Variants in SLC4A7 observed in about 807,000 individuals in gnomAD.
SLC4A7 encodes the protein solute carrier family 4 member 7.
In SLC4A7, 51 loss-of-function variants were observed where a neutral mutation model predicts 137.6. That is an observed-to-expected ratio of 0.37 (90% confidence interval 0.30 to 0.47). The LOEUF (loss-of-function observed/expected upper bound fraction) is 0.47. Ranked by LOEUF, SLC4A7 falls within the 20% of genes least tolerant of loss-of-function variation. SLC4A7 has a pLI of 1.00. For synonymous variants in SLC4A7, 542 were observed against 518.6 expected, an observed-to-expected ratio of 1.05 and a Z score of -0.61; for missense variants, 1,247 against 1,525.4, an observed-to-expected ratio of 0.82 and a Z score of 3.04.
At chr3:27,480,860 T>A (rs1283233561) in intron 1 of SLC4A7, among the ~76,000 whole-genome samples, 1 of 152,180 alleles carries the variant, frequency 6.6e-6, no homozygotes, top group Non-Finnish European at 1.5e-5. Flanking sequence ...AGCAGAAATG[T>A]AAATGCCATC....
At chr3:27,467,468 C>G (rs1021498) in intron 1 of SLC4A7, among the ~76,000 whole-genome samples, 22,234 of 152,170 alleles carry the variant, frequency 0.15, 1,870 homozygotes, top group South Asian at 0.27. Context: ...CAATAAGCAG[C>G]ACAAATGTCA....
chr3:27,461,606 C>CAA lies in SLC4A7; in HGVS notation c.61-9110_61-9109dup, dbSNP rs200548018. Among the ~76,000 whole-genome samples the CAA allele has an allele frequency of 7.9e-3, 684 of 86,776 alleles. 10 individuals carry two copies. The highest frequency in any genetic ancestry group is 0.048 in the South Asian group (116 of 2,418). 56.9% of individuals were successfully genotyped at this position (86,776 alleles called of 152,430 possible). ...AGGCAACACAGAAAGACCTCGTTTA[C>CAA]AAAAAAAAAAAAAAAAAGAATAAAT... On this transcript the variant is annotated intron_variant, in intron 1 of 25. Coordinates refer to ENST00000454389, the MANE Select transcript of SLC4A7 (RefSeq NM_001321103.2).
chr3:27,378,488 A>C (rs1313515876), intron 25 of SLC4A7, among the ~76,000 whole-genome samples: 1 of 152,218 alleles, frequency 6.6e-6, no homozygotes, highest in Non-Finnish European at 1.5e-5. Context: ...TAAGGGATTA[A>C]AGTACTAATG....
At chr3:27,428,910 T>C (rs936513450) in intron 7 of SLC4A7, among the ~76,000 whole-genome samples, 5 of 152,316 alleles carry the variant, frequency 3.3e-5, no homozygotes, top group Non-Finnish European at 7.3e-5. Flanking sequence ...CAAAAAGATA[T>C]ATGTACAAAT....
intron 10 of SLC4A7, 70 bp downstream of exon 10, chr3:27,420,630 G>A (rs2054872025): frequency 2.2e-6 from 2 of 927,238 alleles, no homozygotes; most frequent in Non-Finnish European, 3.3e-6. Flanking sequence ...AAAGAGAACT[G>A]TAATCTAATA....
In SLC4A7 at chr3:27,397,679, CT is replaced by C; in HGVS notation, c.2703+4del. 1 of 1,471,606 alleles carries C rather than the reference CT, an allele frequency of 6.8e-7. No homozygotes were observed. Among genetic ancestry groups the C allele is most frequent in the Non-Finnish European group, 9.5e-7 (1 of 1,053,760 alleles). The allele number at this position is 1,471,606 out of a possible 1,614,324, so 91.2% of individuals were successfully genotyped here. Reference sequence around the variant, plus strand: ...TAACAAATAGCCACTTGTTTTAATCCTTACCTCAAATTTTTCAGGAACATGA... The same window carrying C: ...TAACAAATAGCCACTTGTTTTAATCCTACCTCAAATTTTTCAGGAACATGA... On this transcript the variant is annotated splice_donor_region_variant and intron_variant, in intron 18 of 25. Coordinates refer to ENST00000454389, the MANE Select transcript of SLC4A7 (RefSeq NM_001321103.2).
Position 27,452,613 on chromosome 3 carries a change from T to C in SLC4A7, c.61-115A>G, listed in dbSNP as rs2058148998. On this transcript the variant is annotated intron_variant, in intron 1 of 25. Transcript: ENST00000454389. ...AACAGACTGCTTTCTCTCAAATAAC[T>C]GAACTCATTACAGCTAATTGCATTC... 7.2e-6 allele frequency: 4 copies of C among 551,946 alleles called. No homozygotes were observed. The South Asian group carries it at 1.3e-4, about 18-fold the overall frequency. 34.2% of individuals were successfully genotyped at this position (551,946 alleles called of 1,614,324 possible). A position where few individuals can be genotyped will look rare whatever the true frequency, so the allele number is the denominator to read the frequency against.
chr3:27,394,513 T>G lies in SLC4A7; in HGVS notation c.3117+5A>C, dbSNP rs769963523. ...TTGTAAAACACGGCAATAAAGAAAT[T>G]TTACCTTTAGGACTGAAGTCATGAA... On this transcript the variant is annotated splice_donor_5th_base_variant and intron_variant, in intron 20 of 25. Coordinates refer to ENST00000454389, the MANE Select transcript of SLC4A7 (RefSeq NM_001321103.2). 6.2e-7 allele frequency: 1 copy of G among 1,608,768 alleles called. No individual in the cohort carries two copies. The highest frequency in any genetic ancestry group is 1.7e-5 in the Admixed American group (1 of 59,066).
intron 3 of SLC4A7, among the ~76,000 whole-genome samples, chr3:27,445,462 A>G (rs977353337): frequency 5.3e-5 from 8 of 152,118 alleles, no homozygotes; most frequent in African/African-American, 1.9e-4. Flanking sequence ...CTCAGAAACC[A>G]AAGTCCTGTG....
At chr3:27,384,104 A>G (rs778547967) in intron 23 of SLC4A7, among the ~76,000 whole-genome samples, 1 of 152,164 alleles carries the variant, frequency 6.6e-6, no homozygotes, top group Admixed American at 6.5e-5. Context: ...GAGAACATTC[A>G]TATTTCTTTT....
At chr3:27,431,761 G>C in intron 6 of SLC4A7, 92 bp from the exon 7 acceptor site, 1 of 1,359,514 alleles carries the variant, frequency 7.4e-7, no homozygotes, top group Non-Finnish European at 9.7e-7. Context: ...ACTATAAATT[G>C]CATACTTCAA....
At chr3:27,390,848 G>C (rs568921439) in intron 21 of SLC4A7, among the ~76,000 whole-genome samples, 1 of 152,182 alleles carries the variant, frequency 6.6e-6, no homozygotes, top group Non-Finnish European at 1.5e-5. Flanking sequence ...TTTTGAGACA[G>C]GGTCTCACTC....
At chr3:27,447,556 T>A (rs1269928445) in intron 3 of SLC4A7, among the ~76,000 whole-genome samples, 1 of 151,676 alleles carries the variant, frequency 6.6e-6, no homozygotes, top group Admixed American at 6.6e-5. Context: ...CTAGGACCCA[T>A]GATGTACAGA....
At chr3:27,388,426 C>T (rs566657246) in intron 22 of SLC4A7, among the ~76,000 whole-genome samples, 51 of 152,238 alleles carry the variant, frequency 3.4e-4, no homozygotes, top group Admixed American at 1.6e-3. Flanking sequence ...CAAGAGGGTA[C>T]TGTAATTATC....
At chr3:27,458,324 T>C (rs549021638) in intron 1 of SLC4A7, among the ~76,000 whole-genome samples, 3 of 152,344 alleles carry the variant, frequency 2.0e-5, no homozygotes, top group Admixed American at 2.0e-4. Flanking sequence ...AAAGTCTTAC[T>C]ACCCAGCTCA....
chr3:27,426,202 T>G (rs758809029), intron 7 of SLC4A7, among the ~76,000 whole-genome samples: 1 of 152,206 alleles, frequency 6.6e-6, no homozygotes, highest in African/African-American at 2.4e-5. Flanking sequence ...AAATCTTAAT[T>G]TGCAATCTAT....
rs1164431019 is a variant in SLC4A7 at position 27,375,375 on chromosome 3, C to T, written c.*1389G>A. The T allele has an allele frequency of 6.6e-6, 1 of 152,164 alleles. No individual in the cohort carries two copies. The highest frequency in any genetic ancestry group is 6.6e-5 in the Admixed American group (1 of 15,246). The allele number at this position is 152,164 out of a possible 1,614,324, so 9.4% of individuals were successfully genotyped here. On this transcript the variant is annotated 3_prime_UTR_variant, in exon 26 of 26. Transcript: ENST00000454389. ...CTCTTGTCAAATCAGTTTCACAACC[C>T]CATTCATCCAGTCCTACAGGCTTAA...
intron 3 of SLC4A7, among the ~76,000 whole-genome samples, chr3:27,440,931 G>T (rs890473480): frequency 6.6e-6 from 1 of 151,996 alleles, no homozygotes; most frequent in Admixed American, 6.6e-5. Flanking sequence ...TGTACTCCTA[G>T]CTACTTGGGA....
intron 18 of SLC4A7, 41 bp downstream of exon 18, chr3:27,397,643 G>T: frequency 1.1e-6 from 1 of 915,504 alleles, no homozygotes; most frequent in Non-Finnish European, 1.8e-6. Flanking sequence ...AAGTAGTGTG[G>T]TATTCCCAAG....
Sources: allele counts gnomAD v4.1 joint callset (sites outside exome capture counted in the v4.1 genomes callset), GRCh38; gene constraint gnomAD v4.1.1; transcripts MANE v1.5; gene names NCBI Gene and HGNC (gene_info 2026-07-23, HGNC 2026-07-21).